PDHX: variants seen among roughly 807,000 people sequenced by gnomAD.
PDHX encodes the protein pyruvate dehydrogenase complex component X.
A neutral mutation model predicts 55.3 loss-of-function variants in PDHX; 33 were observed. The observed-to-expected ratio is 0.60, with a 90% CI of 0.45 to 0.80. The LOEUF is 0.80. Ranked by LOEUF, PDHX falls within the 30% of genes least tolerant of loss-of-function variation. The probability of loss-of-function intolerance (pLI) is 0.00; values close to 1 mark genes in which losing one functional copy is unlikely to be tolerated. For synonymous variants in PDHX, 226 were observed against 219.4 expected (o/e 1.03, Z -0.27); for missense variants, 622 against 619.9 (o/e 1.00, Z -0.04).
At chr11:34,924,015 A>G (rs1853959756) in intron 1 of PDHX, among the ~76,000 whole-genome samples, 1 of 152,186 alleles carries the variant, frequency 6.6e-6, no homozygotes, top group African/African-American at 2.4e-5. Context: ...TAGGCTGGGA[A>G]GGTGAAAGGA....
At chr11:34,931,585 A>G (rs1854173289) in intron 2 of PDHX, 101 bp downstream of exon 2, 1 of 682,708 alleles carries the variant, frequency 1.5e-6, no homozygotes, top group South Asian at 1.7e-5. Context: ...TATGTGATAT[A>G]AATTAAATAA....
chr11:34,938,379 G>T (rs1405168675), intron 2 of PDHX, among the ~76,000 whole-genome samples: 2 of 152,218 alleles, frequency 1.3e-5, no homozygotes, highest in Non-Finnish European at 2.9e-5. Context: ...GAAAGAGCCA[G>T]TACCCCATTG....
chr11:34,949,158 T>G (rs1854692210), intron 3 of PDHX, among the ~76,000 whole-genome samples: 1 of 152,226 alleles, frequency 6.6e-6, no homozygotes, highest in Non-Finnish European at 1.5e-5. Flanking sequence ...ACATGCTTTT[T>G]GGATAATATT....
Position 34,975,563 on chromosome 11 carries a change from G to T in PDHX, c.965-2561G>T, listed in dbSNP as rs78072319. 3.8e-3 allele frequency among the ~76,000 whole-genome samples: 581 copies of T among 152,108 alleles called. 4 individuals are homozygous for T. The highest frequency in any genetic ancestry group is 0.013 in the African/African-American group (539 of 41,494). On this transcript the variant is annotated intron_variant, in intron 7 of 10. Transcript: ENST00000227868. Reference sequence around the variant, plus strand: ...TGGTTAGCATGGATTTTCCCCTCTGGATTTCCAATTGAATGTTTTTTTAGT... The same window carrying T: ...TGGTTAGCATGGATTTTCCCCTCTGTATTTCCAATTGAATGTTTTTTTAGT...
chr11:34,957,328 A>G (rs1264995306), intron 3 of PDHX, 56 bp from the exon 4 acceptor site: 5 of 1,083,530 alleles, frequency 4.6e-6, no homozygotes, highest in African/African-American at 1.8e-5. Context: ...AGAACAAACT[A>G]CTTAATGCAG....
chr11:34,960,785 G>A (rs552586412), intron 5 of PDHX, among the ~76,000 whole-genome samples: 5 of 152,242 alleles, frequency 3.3e-5, no homozygotes, highest in South Asian at 4.1e-4. Context: ...AAATTAGAGC[G>A]TAGAACAGTG....
chr11:34,983,778 T>C (rs1376097086), intron 8 of PDHX, among the ~76,000 whole-genome samples: 7 of 152,082 alleles, frequency 4.6e-5, no homozygotes, highest in Non-Finnish European at 5.9e-5. Context: ...TAAAAGAGAA[T>C]ACAAACAAAT....
At chr11:34,970,362 A>AGG in intron 7 of PDHX, 76 bp downstream of exon 7, 1 of 1,191,914 alleles carries the variant, frequency 8.4e-7, no homozygotes. Flanking sequence ...AAAATTATAA[A>AGG]ATTAAAAGCT....
chr11:34,963,393 C>G (rs964854536), intron 5 of PDHX, among the ~76,000 whole-genome samples: 2 of 152,136 alleles, frequency 1.3e-5, no homozygotes, highest in Non-Finnish European at 2.9e-5. Context: ...GTCCTATCAC[C>G]TCAACCTCCC....
intron 9 of PDHX, among the ~76,000 whole-genome samples, chr11:34,990,423 A>G (rs1202350845): frequency 6.6e-6 from 1 of 152,192 alleles, no homozygotes; most frequent in Admixed American, 6.5e-5. Context: ...ACTAGAGTTC[A>G]CTGACAGGAA....
At chr11:34,973,616 C>T (rs773497131) in intron 7 of PDHX, among the ~76,000 whole-genome samples, 24 of 152,012 alleles carry the variant, frequency 1.6e-4, no homozygotes, top group East Asian at 3.8e-4. Flanking sequence ...TAATTTATCA[C>T]GGCCTGGCTT....
chr11:34,976,200 C>T (rs1855367056), intron 7 of PDHX, among the ~76,000 whole-genome samples: 1 of 152,138 alleles, frequency 6.6e-6, no homozygotes, highest in South Asian at 2.1e-4. Flanking sequence ...AAAATCTTTA[C>T]ACCCCACATT....
chr11:34,990,526 G>T (rs1396961649), intron 9 of PDHX, among the ~76,000 whole-genome samples: 1 of 152,066 alleles, frequency 6.6e-6, no homozygotes, highest in Non-Finnish European at 1.5e-5. Flanking sequence ...TTCATTTGTG[G>T]TAATTGTGTG....
Position 34,960,523 on chromosome 11 carries a change from G to T in PDHX, c.641+5G>T. On this transcript the variant is annotated splice_donor_5th_base_variant and intron_variant, in intron 5 of 10. Coordinates refer to ENST00000227868, the MANE Select transcript of PDHX (RefSeq NM_003477.3). ...TCGGGGGATATTCACTAAAGAGTAT[G>T]TGTTTGCTTTTTGTAATAACCAGTT... The T allele has an allele frequency of 6.5e-7, 1 of 1,545,704 alleles. No homozygotes were observed. The highest frequency in any genetic ancestry group is 8.9e-7 in the Non-Finnish European group (1 of 1,118,492).
chr11:34,922,590 T>A (rs1258381056), intron 1 of PDHX, among the ~76,000 whole-genome samples: 1 of 152,162 alleles, frequency 6.6e-6, no homozygotes, highest in African/African-American at 2.4e-5. Flanking sequence ...TAAATGAACA[T>A]TTTTGCTTTT....
chr11:34,957,315 A>T, intron 3 of PDHX, 69 bp from the exon 4 acceptor site: 1 of 1,109,186 alleles, frequency 9.0e-7, no homozygotes, highest in East Asian at 2.4e-5. Flanking sequence ...ATTACCCAAC[A>T]AAAGAACAAA....
chr11:34,934,892 T>G (rs1332783864), intron 2 of PDHX, among the ~76,000 whole-genome samples: 1 of 150,724 alleles, frequency 6.6e-6, no homozygotes, highest in Non-Finnish European at 1.5e-5. Context: ...GAATTATTAA[T>G]TTTAAAGGTT....
chr11:34,932,584 C>T (rs1445517457), intron 2 of PDHX, among the ~76,000 whole-genome samples: 1 of 152,146 alleles, frequency 6.6e-6, no homozygotes, highest in Non-Finnish European at 1.5e-5. Context: ...AAGCTGTTCT[C>T]TTGATGATGC....
intron 2 of PDHX, 39 bp from the exon 3 acceptor site, chr11:34,947,467 T>C: frequency 1.5e-6 from 2 of 1,318,502 alleles, no homozygotes; most frequent in South Asian, 1.2e-5. Context: ...GTAATATTTA[T>C]ATTTTAAAAA....
Sources: gnomAD v4.1 joint callset for allele counts (sites outside exome capture counted in the v4.1 genomes callset) on GRCh38, gnomAD v4.1.1 for gene constraint, MANE v1.5 for transcripts, NCBI Gene and HGNC (gene_info 2026-07-23, HGNC 2026-07-21) for gene names.